Variants in CHN2 observed in about 807,000 individuals in gnomAD.
The protein encoded by CHN2 is chimerin 2, also known as beta-chimaerin.
A neutral mutation model predicts 56.3 loss-of-function variants in CHN2; 35 were observed. The ratio of observed to expected loss-of-function variants is 0.62; its 90% confidence interval spans 0.47 to 0.82. The LOEUF (loss-of-function observed/expected upper bound fraction) is 0.82. Ranked by LOEUF, CHN2 falls within the 40% of genes least tolerant of loss-of-function variation. The pLI is 0.00. For missense variants in CHN2, 491 were observed against 580.5 expected (o/e 0.85, Z 1.58); for synonymous variants, 210 against 212.8 (o/e 0.99, Z 0.12).
chr7:29,303,977 T>C (rs1048677071), intron 1 of CHN2, among the ~76,000 whole-genome samples: 1 of 152,016 alleles, frequency 6.6e-6, no homozygotes, highest in African/African-American at 2.4e-5. Flanking sequence ...CGAGAATGGC[T>C]TGAACCCAGG....
intron 2 of CHN2, among the ~76,000 whole-genome samples, chr7:29,365,158 G>T (rs977203887): frequency 6.6e-6 from 1 of 152,152 alleles, no homozygotes; most frequent in Non-Finnish European, 1.5e-5. Context: ...ACAGAGATTG[G>T]TAAACCAAGC....
upstream of CHN2, among the ~76,000 whole-genome samples, chr7:29,190,586 C>T (rs1021289650): frequency 1.1e-4 from 17 of 152,068 alleles, no homozygotes; most frequent in African/African-American, 3.1e-4. Flanking sequence ...TTGTAACAGC[C>T]GGTGAAGGAG....
At chr7:29,397,670 T>G (rs1201011966) in intron 4 of CHN2, 1 of 152,198 alleles carries the variant, frequency 6.6e-6, no homozygotes, top group Non-Finnish European at 1.5e-5. Context: ...GGAGTCACTG[T>G]CCACTCTCTG....
At chr7:29,265,960 C>T (rs974355222) in intron 1 of CHN2, among the ~76,000 whole-genome samples, 8 of 152,190 alleles carry the variant, frequency 5.3e-5, no homozygotes, top group Non-Finnish European at 1.0e-4. Flanking sequence ...CTCAGCTACT[C>T]AGTAGGCTGA....
chr7:29,252,289 C>G (rs1192614217), intron 1 of CHN2, among the ~76,000 whole-genome samples: 1 of 149,106 alleles, frequency 6.7e-6, no homozygotes, highest in Non-Finnish European at 1.5e-5. Context: ...TCCAGGTTCA[C>G]GAGATTCTTC....
At chr7:29,352,470 C>T (rs1797959548) in intron 1 of CHN2, among the ~76,000 whole-genome samples, 1 of 151,916 alleles carries the variant, frequency 6.6e-6, no homozygotes, top group Admixed American at 6.6e-5. Flanking sequence ...GCCTGTAATC[C>T]CAGCACTTTG....
intron 2 of CHN2, among the ~76,000 whole-genome samples, chr7:29,181,871 A>G (rs1406222194): frequency 1.3e-5 from 2 of 152,126 alleles, no homozygotes; most frequent in African/African-American, 4.8e-5. Context: ...GGGGGGGAAA[A>G]GTACCTAAGT....
At chr7:29,306,797 C>T (rs2128882358) in intron 1 of CHN2, among the ~76,000 whole-genome samples, 1 of 152,350 alleles carries the variant, frequency 6.6e-6, no homozygotes, top group East Asian at 1.9e-4. Flanking sequence ...TGAGGGCTGA[C>T]AGCAAACTTA....
chr7:29,212,771 T>G, intron 1 of CHN2: 1 of 1,610,276 alleles, frequency 6.2e-7, no homozygotes, highest in Non-Finnish European at 8.5e-7. Context: ...GAAAAACAAC[T>G]GGCCGAAGAA....
At chr7:29,246,495 G>C (rs958438484) in intron 1 of CHN2, among the ~76,000 whole-genome samples, 1 of 152,154 alleles carries the variant, frequency 6.6e-6, no homozygotes, top group African/African-American at 2.4e-5. Flanking sequence ...TTCCCTGTTA[G>C]TAAGTGATGG....
At chr7:29,149,123 G>C (rs1009834005) in intron 2 of CHN2, among the ~76,000 whole-genome samples, 1 of 151,838 alleles carries the variant, frequency 6.6e-6, no homozygotes, top group Non-Finnish European at 1.5e-5. Context: ...AGCTTGGAAA[G>C]GGCAAGAATG....
At chr7:29,193,243 T>G (rs1783127579), upstream of CHN2, 1 of 152,180 alleles carries the variant, frequency 6.6e-6, no homozygotes, top group South Asian at 2.1e-4. Flanking sequence ...CACACTGGGA[T>G]AGTATCCTGG....
intron 1 of CHN2, among the ~76,000 whole-genome samples, chr7:29,330,890 T>C (rs1304706704): frequency 2.0e-5 from 3 of 152,140 alleles, no homozygotes; most frequent in Non-Finnish European, 4.4e-5. Context: ...AGATGTGAAA[T>C]TAGGTAGTAC....
At chr7:29,399,498 C>G (rs954946390) in intron 5 of CHN2, among the ~76,000 whole-genome samples, 1 of 152,208 alleles carries the variant, frequency 6.6e-6, no homozygotes, top group African/African-American at 2.4e-5. Context: ...ACATTTATGG[C>G]ACTTTTCAAA....
chr7:29,191,667 A>G (rs1253676955), upstream of CHN2: 1 of 152,268 alleles, frequency 6.6e-6, no homozygotes, highest in Non-Finnish European at 1.5e-5. Context: ...ATATTTGAAG[A>G]AAAAAGGCAG....
intron 3 of CHN2, among the ~76,000 whole-genome samples, chr7:29,378,253 G>A (rs749442716): frequency 4.6e-5 from 7 of 152,170 alleles, no homozygotes; most frequent in Non-Finnish European, 7.3e-5. Flanking sequence ...TCAGTATGCC[G>A]TAGCTTAAAA....
chr7:29,315,301 T>A (rs1479161505), intron 1 of CHN2, among the ~76,000 whole-genome samples: 1 of 152,222 alleles, frequency 6.6e-6, no homozygotes, highest in Non-Finnish European at 1.5e-5. Context: ...ATCTGCTCCA[T>A]CTTTCTCAGC....
chr7:29,147,220 T>A, intron 2 of CHN2: 1 of 488,232 alleles, frequency 2.0e-6, no homozygotes, highest in Non-Finnish European at 3.6e-6. Context: ...GAGGTTGCAA[T>A]GGCAAGTAGA....
At chr7:29,501,791 T>C (rs1562666927) in intron 9 of CHN2, among the ~76,000 whole-genome samples, 1 of 152,148 alleles carries the variant, frequency 6.6e-6, no homozygotes, top group Non-Finnish European at 1.5e-5. Context: ...CTTCCATCCA[T>C]AAAAAATCCT....
Sources: allele counts gnomAD v4.1 joint callset (sites outside exome capture counted in the v4.1 genomes callset), GRCh38; gene constraint gnomAD v4.1.1; transcripts MANE v1.5; gene names NCBI Gene and HGNC (gene_info 2026-07-23, HGNC 2026-07-21).